The following ST6GALNAC5 variants were observed in gnomAD, a reference collection of about 807,000 sequenced individuals.
The protein encoded by ST6GALNAC5 is ST6 N-acetylgalactosaminide alpha-2,6-sialyltransferase 5.
A neutral mutation model predicts 33.6 loss-of-function variants in ST6GALNAC5; 27 were observed. The observed-to-expected ratio is 0.80, with a 90% CI of 0.59 to 1.11. ST6GALNAC5 has a LOEUF of 1.11. ST6GALNAC5 is among the 50% of genes least tolerant of loss of function. The pLI is 0.00. For missense variants in ST6GALNAC5, 428 were observed against 454.0 expected (o/e 0.94, Z 0.52); for synonymous variants, 194 against 171.2 (o/e 1.13, Z -1.04).
chr1:77,056,525 C>T (rs1018575533), intron 4 of ST6GALNAC5, among the ~76,000 whole-genome samples: 3 of 152,146 alleles, frequency 2.0e-5, no homozygotes, highest in African/African-American at 7.2e-5. Flanking sequence ...ATATGAAGGA[C>T]ATCTCAAAGG....
chr1:76,924,651 A>G (rs1369526138), intron 2 of ST6GALNAC5, among the ~76,000 whole-genome samples: 3 of 152,116 alleles, frequency 2.0e-5, no homozygotes, highest in East Asian at 3.9e-4. Flanking sequence ...AGTTCCATCT[A>G]CACCATATCC....
At chr1:76,918,564 G>A (rs1001577085) in intron 2 of ST6GALNAC5, among the ~76,000 whole-genome samples, 1 of 136,052 alleles carries the variant, frequency 7.4e-6, no homozygotes, top group African/African-American at 2.8e-5. Flanking sequence ...CTTGCAGTGA[G>A]CCGAGATCAC....
intron 4 of ST6GALNAC5, among the ~76,000 whole-genome samples, chr1:77,062,090 A>T (rs1429311493): frequency 6.6e-6 from 1 of 152,224 alleles, no homozygotes; most frequent in Non-Finnish European, 1.5e-5. Context: ...TGCTAATTCC[A>T]TATAAATTTA....
intron 2 of ST6GALNAC5, among the ~76,000 whole-genome samples, chr1:76,943,851 T>C (rs748388725): frequency 3.3e-5 from 5 of 152,148 alleles, no homozygotes; most frequent in Non-Finnish European, 5.9e-5. Flanking sequence ...ACTTATAAAA[T>C]ATGAAGACAC....
At chr1:76,928,526 G>A (rs1466670845) in intron 2 of ST6GALNAC5, among the ~76,000 whole-genome samples, 1 of 152,082 alleles carries the variant, frequency 6.6e-6, no homozygotes, top group Non-Finnish European at 1.5e-5. Flanking sequence ...TTTCAGAGTT[G>A]TTTGGAAACA....
intron 2 of ST6GALNAC5, among the ~76,000 whole-genome samples, chr1:76,915,453 A>G (rs1020068891): frequency 6.6e-6 from 1 of 152,198 alleles, no homozygotes; most frequent in Admixed American, 6.5e-5. Context: ...CAAATGTCCA[A>G]TGATGATAGA....
Position 76,867,716 on chromosome 1 carries a change from G to T in ST6GALNAC5, c.15+26G>T, listed in dbSNP as rs115959772. Reference sequence around the variant, plus strand: ...GTGAGTCAGTTGTGGCAACTCCACCGGGCAAAGAGGGGGATCCCCGGGCTC... The same window carrying T: ...GTGAGTCAGTTGTGGCAACTCCACCTGGCAAAGAGGGGGATCCCCGGGCTC... On this transcript the variant is annotated intron_variant, in intron 1 of 4. Transcript: ENST00000477717. 1.1e-3 allele frequency: 1,787 copies of T among 1,614,010 alleles called. 16 individuals carry two copies. In the African/African-American group the frequency reaches 0.015, roughly 13 times the overall value.
Position 76,991,414 on chromosome 1 carries a change from T to A in ST6GALNAC5, c.262-52790T>A, listed in dbSNP as rs1040934170. Among the ~76,000 whole-genome samples, 13 of 152,200 alleles carry A rather than the reference T, an allele frequency of 8.5e-5. 1 individual carries two copies. Among genetic ancestry groups the A allele is most frequent in the African/African-American group, 3.1e-4 (13 of 41,442 alleles). On this transcript the variant is annotated intron_variant, in intron 2 of 4. Transcript: ENST00000477717. ...AAATGAACAAATGCCTGGATTTGAATGCTAAGGCATAGGATTATTTCAATA... is the reference window on the plus strand; with the variant it reads ...AAATGAACAAATGCCTGGATTTGAAAGCTAAGGCATAGGATTATTTCAATA...
intron 2 of ST6GALNAC5, among the ~76,000 whole-genome samples, chr1:76,890,138 C>A (rs953203792): frequency 7.9e-5 from 12 of 152,056 alleles, no homozygotes; most frequent in Non-Finnish European, 1.5e-4. Flanking sequence ...TTTGCCAAGC[C>A]CCTAGAAGCC....
At chr1:76,913,061 T>C (rs1646930797) in intron 2 of ST6GALNAC5, among the ~76,000 whole-genome samples, 7 of 152,196 alleles carry the variant, frequency 4.6e-5, no homozygotes, top group Admixed American at 4.6e-4. Flanking sequence ...TGGTACCGTT[T>C]GTTCCTTTCC....
intron 4 of ST6GALNAC5, among the ~76,000 whole-genome samples, chr1:77,057,460 C>T (rs12122919): frequency 0.078 from 11,807 of 152,206 alleles, 716 homozygotes; most frequent in South Asian, 0.28. Context: ...TATTTTTATG[C>T]TAAGCTTGAT....
chr1:76,958,035 T>G (rs1648074895), intron 2 of ST6GALNAC5, among the ~76,000 whole-genome samples: 1 of 152,140 alleles, frequency 6.6e-6, no homozygotes, highest in South Asian at 2.1e-4. Flanking sequence ...CATTTCTTCA[T>G]TATTAGATCA....
intron 2 of ST6GALNAC5, among the ~76,000 whole-genome samples, chr1:76,963,204 A>C (rs796152899): frequency 1.3e-5 from 2 of 152,200 alleles, no homozygotes; most frequent in Non-Finnish European, 2.9e-5. Context: ...TACTTATCAC[A>C]TTAAAGAATG....
In ST6GALNAC5 at chr1:76,966,611, C is replaced by T. The variant is rs192324141; in HGVS notation, c.262-77593C>T. 1.0e-3 allele frequency among the ~76,000 whole-genome samples: 157 copies of T among 152,272 alleles called. 1 individual carries two copies. The highest frequency in any genetic ancestry group is 3.8e-3 in the African/African-American group (156 of 41,550). On this transcript the variant is annotated intron_variant, in intron 2 of 4. Coordinates refer to ENST00000477717, the MANE Select transcript of ST6GALNAC5 (RefSeq NM_030965.3). ...TATTTCTTTCTCTTGCCTGATTGCC[C>T]TGGCCAGAACTTCCAACACTATGTT...
At chr1:76,939,424 A>G (rs1442603616) in intron 2 of ST6GALNAC5, among the ~76,000 whole-genome samples, 11 of 152,096 alleles carry the variant, frequency 7.2e-5, no homozygotes, top group Admixed American at 7.2e-4. Context: ...CCCACTGTCG[A>G]TGGAAATGCT....
rs182448379 is a variant in ST6GALNAC5 at position 76,907,308 on chromosome 1, C to G, written c.261+38566C>G. On this transcript the variant is annotated intron_variant, in intron 2 of 4. Transcript: ENST00000477717. ...TGATCTTGACCCTGCTTACTACTCT[C>G]GCTGATGTGAAGCCTCCTGTTCCTA... is the stretch of plus-strand genomic sequence containing the variant. Among the ~76,000 whole-genome samples, 179 of 152,204 alleles carry G rather than the reference C, an allele frequency of 1.2e-3. 1 individual carries two copies. The highest frequency in any genetic ancestry group is 2.1e-3 in the Non-Finnish European group (145 of 67,994).
intron 2 of ST6GALNAC5, among the ~76,000 whole-genome samples, chr1:76,914,511 C>A (rs962356620): frequency 6.6e-6 from 1 of 152,002 alleles, no homozygotes; most frequent in African/African-American, 2.4e-5. Flanking sequence ...CAATGGAACA[C>A]AACAGAGCCC....
At chr1:76,910,768 C>A (rs561942930) in intron 2 of ST6GALNAC5, among the ~76,000 whole-genome samples, 1 of 151,752 alleles carries the variant, frequency 6.6e-6, no homozygotes, top group African/African-American at 2.4e-5. Flanking sequence ...TTGATGTAGA[C>A]AAAGACACAG....
At position 77,063,472 on chromosome 1, in the gene ST6GALNAC5, G is replaced by C; in HGVS notation, c.*266G>C. ...ACATTCAATTCAGTTACACCACTAT[G>C]ACTAAAAACAGTTTGGATCTCTTAG... On this transcript the variant is annotated 3_prime_UTR_variant, in exon 5 of 5. Transcript: ENST00000477717. The C allele has an allele frequency of 2.2e-6, 1 of 451,554 alleles. No homozygotes were observed. The highest frequency in any genetic ancestry group is 3.0e-5 in the South Asian group (1 of 33,078). 28.0% of individuals were successfully genotyped at this position (451,554 alleles called of 1,614,324 possible).
Sources: allele counts gnomAD v4.1 joint callset (sites outside exome capture counted in the v4.1 genomes callset), GRCh38; gene constraint gnomAD v4.1.1; transcripts MANE v1.5; gene names NCBI Gene and HGNC (gene_info 2026-07-23, HGNC 2026-07-21).